Variants in KALRN observed in about 807,000 individuals in gnomAD.
KALRN encodes kalirin RhoGEF kinase.
KALRN carries 70 observed loss-of-function variants against 353.7 expected under a neutral mutation model. That is an observed-to-expected ratio of 0.20 (90% confidence interval 0.16 to 0.24). The LOEUF is 0.24. Ranked by LOEUF, KALRN falls within the 10% of genes least tolerant of loss-of-function variation. The pLI is 1.00. For synonymous variants in KALRN, 1,391 were observed against 1,434.8 expected (o/e 0.97, Z 0.69); for missense variants, 2,791 against 3,756.7 (o/e 0.74, Z 6.72).
At chr3:124,094,726 G>T in intron 1 of KALRN, 1 of 875,868 alleles carries the variant, frequency 1.1e-6, no homozygotes, top group South Asian at 1.4e-5. Flanking sequence ...CATTTGCTTA[G>T]AGCAGGCTGT....
intron 17 of KALRN, among the ~76,000 whole-genome samples, chr3:124,437,516 C>G (rs1011437235): frequency 4.0e-5 from 6 of 151,886 alleles, no homozygotes; most frequent in African/African-American, 1.2e-4. Context: ...ATGGTGAAAC[C>G]CTGTCTCTAC....
At chr3:124,333,174 G>A (rs376789285) in intron 8 of KALRN, among the ~76,000 whole-genome samples, 7 of 152,186 alleles carry the variant, frequency 4.6e-5, no homozygotes, top group African/African-American at 1.4e-4. Context: ...AAACCCACCC[G>A]CATGATTCAG....
At chr3:124,335,624 C>G (rs1453572165) in intron 9 of KALRN, among the ~76,000 whole-genome samples, 27 of 152,050 alleles carry the variant, frequency 1.8e-4, no homozygotes, top group Admixed American at 1.4e-3. Context: ...TCATCTGCCT[C>G]TTAGTTCACC....
intron 1 of KALRN, among the ~76,000 whole-genome samples, chr3:124,187,981 C>G (rs753004970): frequency 2.6e-5 from 4 of 152,086 alleles, no homozygotes; most frequent in Non-Finnish European, 5.9e-5. Flanking sequence ...AATGGAATCT[C>G]CTAGGGAAAC....
Position 124,672,567 on chromosome 3 carries a change from C to T in KALRN, c.6942+669C>T, listed in dbSNP as rs377232733. On this transcript the variant is annotated intron_variant, in intron 48 of 59. Transcript: ENST00000682506. The stretch of plus-strand genomic sequence containing the variant: ...CTATTGGCTGATGTGGAAGGGAAGT[C>T]GATCATCAGTGTGTGAATGGGAGAA... Among the ~76,000 whole-genome samples the T allele has an allele frequency of 2.6e-5, 4 of 152,212 alleles. No homozygotes were observed. The South Asian group carries it at 8.3e-4, about 32-fold the overall frequency.
At position 124,442,017 on chromosome 3, in the gene KALRN, A is replaced by G. The variant is rs2093683850; in HGVS notation, c.3271A>G (p.Ser1091Gly). The change falls in exon 19 of 60, where the codon AGT (serine) becomes GGT (glycine). Residue 1091 changes from serine to glycine, a missense_variant. Physicochemically the swap from Ser to Gly is moderately conservative, Grantham distance 56. Coordinates refer to ENST00000682506, the MANE Select transcript of KALRN (RefSeq NM_001388419.1). Reference protein sequence around the residue: ...YIHRNNVSMPSVASHTRGPEQ... With the variant: ...YIHRNNVSMPGVASHTRGPEQ... ...CCACAGGAACAACGTCAGCATGCCCAGTGTCGCCAGCCACACTCGGGGACC... is the reference window on the plus strand; with the variant it reads ...CCACAGGAACAACGTCAGCATGCCCGGTGTCGCCAGCCACACTCGGGGACC... 2 of 1,607,084 alleles carry G rather than the reference A, an allele frequency of 1.2e-6. No individual in the cohort carries two copies. Among genetic ancestry groups the G allele is most frequent in the African/African-American group, 1.3e-5 (1 of 74,778 alleles).
At chr3:124,486,165 T>C (rs2062549422) in intron 28 of KALRN, among the ~76,000 whole-genome samples, 1 of 152,214 alleles carries the variant, frequency 6.6e-6, no homozygotes, top group Non-Finnish European at 1.5e-5. Context: ...ATGTGGAGCC[T>C]TCTCCTTATC....
chr3:124,114,953 T>A (rs1213174486), intron 1 of KALRN, among the ~76,000 whole-genome samples: 1 of 152,176 alleles, frequency 6.6e-6, no homozygotes, highest in Non-Finnish European at 1.5e-5. Flanking sequence ...ATTATGAGTG[T>A]GAACAAGAGA....
intron 37 of KALRN, among the ~76,000 whole-genome samples, chr3:124,637,655 G>A (rs1026124282): frequency 4.6e-5 from 7 of 152,222 alleles, no homozygotes; most frequent in South Asian, 2.1e-4. Context: ...GCGATGCTGA[G>A]ACCCAGAACA....
intron 34 of KALRN, among the ~76,000 whole-genome samples, chr3:124,618,084 A>G (rs2078824054): frequency 8.9e-6 from 1 of 112,516 alleles, no homozygotes; most frequent in African/African-American, 3.3e-5. Context: ...CAGTGCAGAA[A>G]TCTTTTTTTT....
At chr3:124,299,625 T>C (rs766274203) in intron 6 of KALRN, among the ~76,000 whole-genome samples, 3 of 152,172 alleles carry the variant, frequency 2.0e-5, no homozygotes, top group African/African-American at 4.8e-5. Context: ...AGTTTCCTTA[T>C]GTATAAAATG....
At chr3:124,393,157 G>C (rs1422136243) in intron 11 of KALRN, among the ~76,000 whole-genome samples, 2 of 152,066 alleles carry the variant, frequency 1.3e-5, no homozygotes, top group East Asian at 3.9e-4. Flanking sequence ...GTAGAGATGG[G>C]GTTTCGCCAT....
Position 124,492,772 on chromosome 3 carries a change from C to G in KALRN, c.4722C>G (p.Ile1574Met). The change falls in exon 32 of 60, where the codon ATC (isoleucine) becomes ATG (methionine). Residue 1574 changes from isoleucine (I) to methionine (M), a missense_variant. Physicochemically the swap from Ile to Met is conservative, Grantham distance 10. Transcript: ENST00000682506. ...ACATTGAAACCAAGCAGGAGTGGATCAAGAACATTCGAGAAGTGATTCAAG... is the reference window on the plus strand; with the variant it reads ...ACATTGAAACCAAGCAGGAGTGGATGAAGAACATTCGAGAAGTGATTCAAG... The part of the protein sequence containing the change: ...ASNIETKQEW[I>M]KNIREVIQER... The G allele has an allele frequency of 6.2e-7, 1 of 1,613,930 alleles. No individual in the cohort carries two copies. The highest frequency in any genetic ancestry group is 8.5e-7 in the Non-Finnish European group (1 of 1,179,986).
At chr3:124,564,518 C>A (rs34399394) in intron 34 of KALRN, among the ~76,000 whole-genome samples, 57,055 of 151,148 alleles carry the variant, frequency 0.38, 11,339 homozygotes, top group African/African-American at 0.51. Context: ...CTCTACAAAA[C>A]TAAAAAATTT....
chr3:124,567,176 A>C (rs1206209909), intron 34 of KALRN, among the ~76,000 whole-genome samples: 1 of 152,216 alleles, frequency 6.6e-6, no homozygotes, highest in Non-Finnish European at 1.5e-5. Flanking sequence ...CCTGAGGGTC[A>C]GTATTTTTAA....
At chr3:124,333,267 C>T (rs1227470718) in intron 8 of KALRN, among the ~76,000 whole-genome samples, 1 of 152,170 alleles carries the variant, frequency 6.6e-6, no homozygotes, top group Non-Finnish European at 1.5e-5. Context: ...GGGACACAGA[C>T]AAACCATATC....
At chr3:124,653,769 A>G (rs1484343703) in intron 38 of KALRN, among the ~76,000 whole-genome samples, 2 of 152,236 alleles carry the variant, frequency 1.3e-5, no homozygotes, top group African/African-American at 2.4e-5. Context: ...GGACCAAAGA[A>G]TAACATTTGT....
chr3:124,210,473 G>A (rs1288745151), intron 1 of KALRN, among the ~76,000 whole-genome samples: 1 of 152,124 alleles, frequency 6.6e-6, no homozygotes, highest in Non-Finnish European at 1.5e-5. Context: ...TCTCCTCTGG[G>A]ATGCTCCTTT....
intron 3 of KALRN, among the ~76,000 whole-genome samples, chr3:124,253,165 A>G (rs2071419140): frequency 6.6e-6 from 1 of 152,196 alleles, no homozygotes; most frequent in Non-Finnish European, 1.5e-5. Flanking sequence ...GCAGCTTAAC[A>G]TAGATCAAGT....
Sources: allele counts gnomAD v4.1 joint callset (sites outside exome capture counted in the v4.1 genomes callset), GRCh38; gene constraint gnomAD v4.1.1; transcripts MANE v1.5; gene names NCBI Gene and HGNC (gene_info 2026-07-23, HGNC 2026-07-21).